Variants in SLC35F1 observed in about 807,000 individuals in gnomAD.
The protein encoded by SLC35F1 is solute carrier family 35 member F1.
SLC35F1 carries 14 observed loss-of-function variants against 48.7 expected under a neutral mutation model. The observed-to-expected ratio is 0.29, with a 90% confidence interval of 0.19 to 0.45. The LOEUF is 0.45. Ranked by LOEUF, SLC35F1 falls within the 20% of genes least tolerant of loss-of-function variation. The probability of loss-of-function intolerance (pLI) is 1.00; values close to 1 mark genes in which losing one functional copy is unlikely to be tolerated. For missense variants in SLC35F1, 404 were observed against 500.0 expected (o/e 0.81, Z 1.83); for synonymous variants, 190 against 202.2 (o/e 0.94, Z 0.51).
At chr6:118,007,311 C>T (rs1333011548) in intron 1 of SLC35F1, among the ~76,000 whole-genome samples, 2 of 152,126 alleles carry the variant, frequency 1.3e-5, no homozygotes, top group Non-Finnish European at 2.9e-5. Flanking sequence ...TTAAAGACCC[C>T]CACCTTTCAA....
chr6:117,930,668 C>T (rs1776088619), intron 1 of SLC35F1, among the ~76,000 whole-genome samples: 1 of 152,112 alleles, frequency 6.6e-6, no homozygotes, highest in African/African-American at 2.4e-5. Context: ...TCACAGACTG[C>T]CTCGAAATAT....
chr6:118,153,604 C>G (rs1774095501), intron 1 of SLC35F1, among the ~76,000 whole-genome samples: 1 of 152,078 alleles, frequency 6.6e-6, no homozygotes, highest in Admixed American at 6.6e-5. Context: ...GTGTATGTGA[C>G]CATAAAGCTT....
chr6:117,923,594 TATGTGTATATATAC>T (rs1775933754), intron 1 of SLC35F1, among the ~76,000 whole-genome samples: 1 of 32,704 alleles, frequency 3.1e-5, no homozygotes, highest in Non-Finnish European at 6.4e-5. Context: ...TATATATACA[TATGTGTATATATAC>T]ATATACATAT....
intron 1 of SLC35F1, among the ~76,000 whole-genome samples, chr6:118,038,867 C>CT (rs1562271250): frequency 6.6e-6 from 1 of 152,160 alleles, no homozygotes; most frequent in Non-Finnish European, 1.5e-5. Context: ...AGCAATCCTC[C>CT]TGCCTCAGCC....
At chr6:117,938,502 T>C (rs1250050131) in intron 1 of SLC35F1, among the ~76,000 whole-genome samples, 2 of 152,216 alleles carry the variant, frequency 1.3e-5, no homozygotes, top group African/African-American at 2.4e-5. Flanking sequence ...ATGCATTCTC[T>C]GCAGGGCTCA....
At chr6:118,190,621 G>A (rs56065174) in intron 2 of SLC35F1, among the ~76,000 whole-genome samples, 3,698 of 152,156 alleles carry the variant, frequency 0.024, 160 homozygotes, top group African/African-American at 0.084. Context: ...TCCACTTGAA[G>A]AGAGACCATT....
intron 3 of SLC35F1, among the ~76,000 whole-genome samples, chr6:118,260,949 T>G (rs1018226376): frequency 2.0e-5 from 3 of 152,220 alleles, no homozygotes; most frequent in Admixed American, 1.3e-4. Context: ...TGATTATAAC[T>G]GAATTTATAA....
intron 1 of SLC35F1, among the ~76,000 whole-genome samples, chr6:117,972,888 G>A (rs1776661021): frequency 6.6e-6 from 1 of 152,148 alleles, no homozygotes; most frequent in East Asian, 1.9e-4. Flanking sequence ...TCATAGGCAA[G>A]TACCTAGATG....
At chr6:117,956,530 G>A (rs1776431173) in intron 1 of SLC35F1, among the ~76,000 whole-genome samples, 1 of 152,194 alleles carries the variant, frequency 6.6e-6, no homozygotes, top group African/African-American at 2.4e-5. Context: ...GACAGTGCCT[G>A]GAATCTAGTC....
chr6:118,048,195 C>T (rs572373369), intron 1 of SLC35F1, among the ~76,000 whole-genome samples: 125 of 152,196 alleles, frequency 8.2e-4, no homozygotes, highest in Middle Eastern at 3.4e-3. Flanking sequence ...TATTGATTTG[C>T]GTATGTTAAA....
chr6:117,924,762 G>T (rs2789013), intron 1 of SLC35F1, among the ~76,000 whole-genome samples: 120,228 of 152,006 alleles, frequency 0.79, 47,698 homozygotes, highest in South Asian at 0.89. Context: ...CTTTATAATA[G>T]TATCAAGGAT....
At chr6:118,208,711 T>TATTTTCATG (rs1459860733) in intron 2 of SLC35F1, among the ~76,000 whole-genome samples, 1 of 152,210 alleles carries the variant, frequency 6.6e-6, no homozygotes, top group Non-Finnish European at 1.5e-5. Context: ...CCTCTGTTAA[T>TATTTTCATG]ATTTTCATGT....
intron 7 of SLC35F1, among the ~76,000 whole-genome samples, chr6:118,300,274 G>A (rs1353321745): frequency 6.6e-6 from 1 of 152,048 alleles, no homozygotes; most frequent in Non-Finnish European, 1.5e-5. Flanking sequence ...GTAATCTAGA[G>A]CCGATTTAAA....
chr6:118,264,695 A>G (rs1775751139), intron 3 of SLC35F1, among the ~76,000 whole-genome samples: 1 of 152,244 alleles, frequency 6.6e-6, no homozygotes, highest in African/African-American at 2.4e-5. Flanking sequence ...CAGCCAGATA[A>G]TGAAACCCTA....
chr6:118,259,090 A>G (rs971913615), intron 3 of SLC35F1, among the ~76,000 whole-genome samples: 3 of 151,690 alleles, frequency 2.0e-5, no homozygotes, highest in Admixed American at 6.6e-5. Flanking sequence ...TTAATAATAT[A>G]TAAAGATATT....
At chr6:118,282,811 C>T (rs564743411) in intron 6 of SLC35F1, among the ~76,000 whole-genome samples, 5 of 152,236 alleles carry the variant, frequency 3.3e-5, no homozygotes, top group Admixed American at 6.5e-5. Context: ...TGAGTCTTCA[C>T]AGACCACTTC....
At chr6:118,161,662 G>T (rs1169056076) in intron 2 of SLC35F1, among the ~76,000 whole-genome samples, 1 of 152,152 alleles carries the variant, frequency 6.6e-6, no homozygotes, top group Non-Finnish European at 1.5e-5. Flanking sequence ...TATGATTGGA[G>T]AATTCTAGTC....
At chr6:118,306,539 C>T (rs1235882891) in intron 7 of SLC35F1, among the ~76,000 whole-genome samples, 5 of 152,314 alleles carry the variant, frequency 3.3e-5, no homozygotes, top group South Asian at 4.2e-4. Flanking sequence ...AAAGTCCAAA[C>T]GGAATGAAGG....
intron 3 of SLC35F1, among the ~76,000 whole-genome samples, chr6:118,261,688 C>T (rs1775714265): frequency 6.6e-6 from 1 of 152,112 alleles, no homozygotes; most frequent in Non-Finnish European, 1.5e-5. Flanking sequence ...CAGGAAAGAG[C>T]CAGAGAAACA....
Sources: allele counts gnomAD v4.1 joint callset (sites outside exome capture counted in the v4.1 genomes callset), GRCh38; gene constraint gnomAD v4.1.1; transcripts MANE v1.5; gene names NCBI Gene and HGNC (gene_info 2026-07-23, HGNC 2026-07-21).